CLVS1: variants seen among roughly 807,000 people sequenced by gnomAD.
The protein encoded by CLVS1 is clavesin-1.
In CLVS1, 10 loss-of-function variants were observed where a neutral mutation model predicts 33.1. The ratio of observed to expected loss-of-function variants is 0.30; its 90% CI spans 0.19 to 0.51. CLVS1 has a LOEUF of 0.51. Ranked by LOEUF, CLVS1 falls within the 20% of genes least tolerant of loss-of-function variation. CLVS1 has a pLI of 0.97. For synonymous variants in CLVS1, 163 were observed against 166.1 expected (o/e 0.98, Z 0.14); for missense variants, 343 against 433.4 (o/e 0.79, Z 1.85).
chr8:61,318,285 T>C (rs16927174), intron 2 of CLVS1, among the ~76,000 whole-genome samples: 5,147 of 152,252 alleles, frequency 0.034, 286 homozygotes, highest in African/African-American at 0.11. Flanking sequence ...TGTTAAGATG[T>C]TTTTGATATC....
intron 5 of CLVS1, among the ~76,000 whole-genome samples, chr8:61,484,664 G>A (rs1189279198): frequency 6.6e-6 from 1 of 152,168 alleles, no homozygotes; most frequent in Non-Finnish European, 1.5e-5. Flanking sequence ...GAACAAAGCT[G>A]GAGGCATCAC....
intron 5 of CLVS1, among the ~76,000 whole-genome samples, chr8:61,483,883 G>A (rs200259682): frequency 5.8e-4 from 89 of 152,226 alleles, no homozygotes; most frequent in Non-Finnish European, 8.1e-4. Context: ...AAAAGGCTCC[G>A]ACAAAATTCA....
rs1219762010 is a variant in CLVS1, at chr8:61,454,236, C to A, written c.726C>A (p.Asp242Glu). The A allele has an allele frequency of 6.2e-7, 1 of 1,613,170 alleles. No individual in the cohort carries two copies. The highest frequency in any genetic ancestry group is 8.5e-7 in the Non-Finnish European group (1 of 1,179,228). Reference sequence around the variant, plus strand: ...CACTCATCAAGCCATTTCTTAAAGACAAGACCAGGAAACGGGTAATGAAAA... The same window carrying A: ...CACTCATCAAGCCATTTCTTAAAGAAAAGACCAGGAAACGGGTAATGAAAA... ...LYTLIKPFLK[D>E]KTRKRIFLHG... The change falls in exon 4 of 6, where the codon GAC (aspartate) becomes GAA (glutamate). Residue 242 changes from aspartate (D) to glutamate (E), a missense_variant. Coordinates refer to ENST00000325897, the MANE Select transcript of CLVS1 (RefSeq NM_173519.3).
intron 3 of CLVS1, among the ~76,000 whole-genome samples, chr8:61,394,338 A>G (rs978404135): frequency 6.6e-6 from 1 of 152,160 alleles, no homozygotes; most frequent in Admixed American, 6.6e-5. Context: ...AGCTTGCCTT[A>G]TGTTGGCCAG....
intron 3 of CLVS1, among the ~76,000 whole-genome samples, chr8:61,394,492 G>C (rs1814439335): frequency 6.6e-6 from 1 of 152,154 alleles, no homozygotes; most frequent in Non-Finnish European, 1.5e-5. Flanking sequence ...ACTCTCCTGG[G>C]GTGGGGCTTG....
intron 2 of CLVS1, among the ~76,000 whole-genome samples, chr8:61,227,560 T>C (rs1216860165): frequency 6.6e-6 from 1 of 152,208 alleles, no homozygotes; most frequent in Non-Finnish European, 1.5e-5. Context: ...ATATAATTCT[T>C]GTTTTAAATC....
chr8:61,203,463 C>G (rs532525391), intron 2 of CLVS1, among the ~76,000 whole-genome samples: 1 of 151,534 alleles, frequency 6.6e-6, no homozygotes, highest in South Asian at 2.1e-4. Flanking sequence ...TGATAGGACA[C>G]AGTAGTAGCG....
rs762333527 is a variant in CLVS1 at position 61,091,003 on chromosome 8, C to T, written c.-243+33773C>T. On this transcript the variant is annotated intron_variant, in intron 1 of 2. Coordinates refer to the CLVS1 transcript ENST00000522621. ...AATGACCCATGCCCCCCCACCAATA[C>T]ATTTGCACCCTAATCCCCAGAACCT... The T allele has an allele frequency of 8.6e-5, 41 of 478,246 alleles. 1 individual carries two copies. The highest frequency in any genetic ancestry group is 2.3e-4 in the Admixed American group (10 of 44,048). 29.6% of individuals were successfully genotyped at this position (478,246 alleles called of 1,614,324 possible).
intron 3 of CLVS1, among the ~76,000 whole-genome samples, chr8:61,423,559 T>A (rs1342945297): frequency 6.6e-6 from 1 of 152,200 alleles, no homozygotes; most frequent in Non-Finnish European, 1.5e-5. Context: ...TAATTGTGCT[T>A]AGAAACGTTT....
the CLVS1 span, among the ~76,000 whole-genome samples, chr8:60,971,339 G>A: frequency 6.6e-6 from 1 of 152,104 alleles, no homozygotes; most frequent in Non-Finnish European, 1.5e-5. Flanking sequence ...TTGGCCTTCC[G>A]AAGTGCTGGG....
At chr8:61,290,988 A>G (rs761907252) in intron 1 of CLVS1, among the ~76,000 whole-genome samples, 12 of 152,200 alleles carry the variant, frequency 7.9e-5, no homozygotes, top group Non-Finnish European at 1.6e-4. Flanking sequence ...ATTGAAACTT[A>G]TGCTTAATTG....
chr8:61,144,693 T>A (rs1806380362), intron 2 of CLVS1, among the ~76,000 whole-genome samples: 1 of 152,352 alleles, frequency 6.6e-6, no homozygotes, highest in Non-Finnish European at 1.5e-5. Context: ...AGCATTCCTA[T>A]ATCTCCACAT....
intron 2 of CLVS1, among the ~76,000 whole-genome samples, chr8:61,282,618 G>A (rs1809695354): frequency 6.6e-6 from 1 of 152,180 alleles, no homozygotes; most frequent in Non-Finnish European, 1.5e-5. Flanking sequence ...AACAATACAA[G>A]TACTCCCTCA....
At chr8:61,183,513 C>A (rs1341743314) in intron 2 of CLVS1, among the ~76,000 whole-genome samples, 1 of 152,048 alleles carries the variant, frequency 6.6e-6, no homozygotes, top group Admixed American at 6.6e-5. Context: ...CTCTTCTCTG[C>A]ATCCTGAGAG....
rs1369139310 is a variant in CLVS1 at position 61,499,485 on chromosome 8, G to T, written c.1008G>T (p.Leu336=). 6.2e-7 allele frequency: 1 copy of T among 1,613,766 alleles called. No homozygotes were observed. Among genetic ancestry groups the T allele is most frequent in the Non-Finnish European group, 8.5e-7 (1 of 1,179,742 alleles). ...AGTCTGTGGTAGAAGCTGGGACCCT[G>T]AAACATGAGGAGAAGGGAGAGAATG... is the stretch of plus-strand genomic sequence containing the variant. The part of the protein sequence containing the change: ...RSQSVVEAGT[L]KHEEKGENEN... The change falls in exon 6 of 6, where the codon CTG becomes CTT. Residue 336 remains leucine, a synonymous_variant. Transcript: ENST00000325897.
chr8:61,329,326 G>A (rs1369757161), intron 2 of CLVS1, among the ~76,000 whole-genome samples: 2 of 151,638 alleles, frequency 1.3e-5, no homozygotes, highest in African/African-American at 2.4e-5. Context: ...ACTGCTATTT[G>A]TTGATTATTT....
chr8:61,390,786 A>C (rs532569687), intron 3 of CLVS1, among the ~76,000 whole-genome samples: 1 of 152,326 alleles, frequency 6.6e-6, no homozygotes, highest in Admixed American at 6.5e-5. Context: ...TTTGTTACTC[A>C]AGGAAATTAA....
intron 2 of CLVS1, among the ~76,000 whole-genome samples, chr8:61,172,637 A>G (rs1807026824): frequency 6.6e-6 from 1 of 152,202 alleles, no homozygotes; most frequent in South Asian, 2.1e-4. Context: ...AGGCTTCATT[A>G]CAGAGGGTAT....
At chr8:61,240,625 G>T (rs1482107825) in intron 2 of CLVS1, among the ~76,000 whole-genome samples, 1 of 152,114 alleles carries the variant, frequency 6.6e-6, no homozygotes, top group Non-Finnish European at 1.5e-5. Context: ...ACCTTAATTG[G>T]CTACTTTGCT....
Sources: gnomAD v4.1 joint callset for allele counts (sites outside exome capture counted in the v4.1 genomes callset) on GRCh38, gnomAD v4.1.1 for gene constraint, MANE v1.5 for transcripts, NCBI Gene and HGNC (gene_info 2026-07-23, HGNC 2026-07-21) for gene names.